Variants in CCDC40 observed in about 807,000 individuals in gnomAD.
CCDC40 encodes the protein coiled-coil domain 40 molecular ruler complex subunit.
A neutral mutation model predicts 124.5 loss-of-function variants in CCDC40; 104 were observed. The ratio of observed to expected loss-of-function variants is 0.84; its 90% CI spans 0.71 to 0.98. CCDC40 has a LOEUF of 0.98. Among genes scored for constraint, CCDC40 ranks in the 50% least tolerant of loss-of-function variants. The pLI is 0.00. For missense variants in CCDC40, 1,463 were observed against 1,503.9 expected, an observed-to-expected ratio of 0.97 and a Z score of 0.45; for synonymous variants, 580 against 602.9, an observed-to-expected ratio of 0.96 and a Z score of 0.56.
intron 9 of CCDC40, among the ~76,000 whole-genome samples, chr17:80,062,960 G>A (rs995143630): frequency 2.6e-5 from 4 of 152,108 alleles, no homozygotes; most frequent in African/African-American, 4.8e-5. Flanking sequence ...TTGTGAGACC[G>A]AGGTCGGCAG....
chr17:80,061,721 C>G (rs1321895925), intron 9 of CCDC40, among the ~76,000 whole-genome samples: 1 of 152,208 alleles, frequency 6.6e-6, no homozygotes, highest in Non-Finnish European at 1.5e-5. Context: ...AACCAAAGGA[C>G]AGGGAGTCCC....
In CCDC40 at chr17:80,086,019, C is replaced by T. The variant is rs1379661285; in HGVS notation, c.2252C>T (p.Pro751Leu). Reference sequence around the variant, plus strand: ...CCGGTCTAGGGGGAAGAAGTGGGGCCCCTGGAGCTTGAAATCAAAAGGCTG... The same window carrying T: ...CCGGTCTAGGGGGAAGAAGTGGGGCTCCTGGAGCTTGAAATCAAAAGGCTG... ...VSELGGEEVGPLELEIKRLSK... is the reference protein window; with the variant it reads ...VSELGGEEVGLLELEIKRLSK... The change falls in exon 14 of 20, where the codon CCC becomes CTC. Residue 751 changes from proline to leucine, a missense_variant. Pro to Leu is a moderately conservative substitution (Grantham distance 98). Coordinates refer to ENST00000397545, the MANE Select transcript of CCDC40 (RefSeq NM_017950.4). This position sits in a 1 kb window ranked among gnomAD's most constrained non-coding sequence, Gnocchi z 5.5. 6.8e-6 allele frequency: 11 copies of T among 1,613,764 alleles called. No individual in the cohort carries two copies. The highest frequency in any genetic ancestry group is 7.6e-6 in the Non-Finnish European group (9 of 1,179,982).
intron 10 of CCDC40, chr17:80,067,841 T>C: frequency 7.1e-7 from 1 of 1,409,030 alleles, no homozygotes; most frequent in Non-Finnish European, 9.2e-7. Context: ...ACTTCAGGAC[T>C]GTGCCAATCC....
Position 80,087,709 on chromosome 17 carries a change from G to C in CCDC40, c.2552G>C (p.Arg851Pro), listed in dbSNP as rs745599843. The change falls in exon 15 of 20, where the codon CGG becomes CCG. Residue 851 changes from arginine (R) to proline (P), a missense_variant. Physicochemically the swap from Arg to Pro is moderately radical, Grantham distance 103 (BLOSUM62 -2). Coordinates refer to ENST00000397545, the MANE Select transcript of CCDC40 (RefSeq NM_017950.4). This position sits in a 1 kb window ranked among gnomAD's most constrained non-coding sequence, Gnocchi z 4.5. ...CTCAACATGTTGATGAATAAAAACC[G>C]GTGCAGCTCGGAGGAGCTGGAGCAG... ...KKLNMLMNKN[R>P]CSSEELEQNN... 8.7e-6 allele frequency: 14 copies of C among 1,613,946 alleles called. No homozygotes were observed. In the Admixed American group the frequency reaches 1.2e-4, roughly 13 times the overall value.
chr17:80,051,049 A>G (rs1000039494), intron 7 of CCDC40, among the ~76,000 whole-genome samples: 25 of 152,236 alleles, frequency 1.6e-4, no homozygotes, highest in African/African-American at 5.8e-4. Context: ...GCTATGCAAC[A>G]TTACCGATAA....
chr17:80,055,049 A>G lies in CCDC40; in HGVS notation c.1160-3445A>G, dbSNP rs1432503462. Among the ~76,000 whole-genome samples the G allele has an allele frequency of 4.6e-5, 7 of 152,302 alleles. No homozygotes were observed. In the South Asian group the frequency reaches 1.2e-3, roughly 27 times the overall value. On this transcript the variant is annotated intron_variant, in intron 7 of 19. Transcript: ENST00000397545. ...AAAAAGGCTTCCTGGGTGGGTGCCA[A>G]ATGGGTATTTAATAAAACTCATCAT... is the stretch of plus-strand genomic sequence containing the variant.
At position 80,088,103 on chromosome 17, in the gene CCDC40, G is replaced by C. The variant is rs2143755133; in HGVS notation, c.2711+1G>C. 1 of 1,608,814 alleles carries C rather than the reference G, an allele frequency of 6.2e-7. No individual in the cohort carries two copies. The highest frequency in any genetic ancestry group is 1.1e-5 in the South Asian group (1 of 90,974). ...TCCTGAATCAACTGGTGGAAGCAGA[G>C]TGAGTCCCAGTCTCCAGCCACACGT... On this transcript the variant is annotated splice_donor_variant, in intron 16 of 19. Transcript: ENST00000397545. LOFTEE classifies it high-confidence loss of function.
At chr17:80,097,471 C>T (rs370091572) in intron 19 of CCDC40, 68 bp downstream of exon 19, 39 of 1,564,040 alleles carry the variant, frequency 2.5e-5, no homozygotes, top group African/African-American at 1.8e-4. Flanking sequence ...AGAGGTCCTG[C>T]GTCCCCTCTG....
At chr17:80,056,012 A>ATTTTTTTTTTTTTTTTT (rs1278622929) in intron 7 of CCDC40, among the ~76,000 whole-genome samples, 4 of 14,136 alleles carry the variant, frequency 2.8e-4, no homozygotes, top group African/African-American at 5.2e-4. Flanking sequence ...ATATATATAT[A>ATTTTTTTTTTTTTTTTT]TATATTTTTT....
intron 7 of CCDC40, among the ~76,000 whole-genome samples, chr17:80,052,403 C>G (rs1290740426): frequency 5.3e-5 from 8 of 152,212 alleles, no homozygotes; most frequent in Admixed American, 5.2e-4. Flanking sequence ...CCTGCTTACA[C>G]TCTAGCCGCA....
chr17:80,039,857 G>T lies in CCDC40; in HGVS notation c.139G>T (p.Val47Phe). The change falls in exon 3 of 20, where the codon GTC becomes TTC. Residue 47 changes from valine to phenylalanine, a missense_variant. Val to Phe is a conservative substitution (Grantham distance 50). Transcript: ENST00000397545. ...TGATGGCCAGAAAGGTGAAGAAGCT[G>T]TCGGTAGCACAGAGCATCCTGAGGA... is the stretch of plus-strand genomic sequence containing the variant. The part of the protein sequence containing the change: ...KDDGQKGEEA[V>F]GSTEHPEEVT... 1 of 1,614,046 alleles carries T rather than the reference G, an allele frequency of 6.2e-7. No homozygotes were observed. The highest frequency in any genetic ancestry group is 8.5e-7 in the Non-Finnish European group (1 of 1,180,018).
At chr17:80,057,692 T>C (rs947278983) in intron 7 of CCDC40, among the ~76,000 whole-genome samples, 8 of 151,762 alleles carry the variant, frequency 5.3e-5, no homozygotes, top group East Asian at 3.9e-4. Context: ...CTGGCTAACA[T>C]GGTGAAACCC....
chr17:80,043,110 C>T (rs939115055), intron 3 of CCDC40, among the ~76,000 whole-genome samples: 1 of 152,118 alleles, frequency 6.6e-6, no homozygotes, highest in African/African-American at 2.4e-5. Flanking sequence ...TCAGGGCTCT[C>T]CATGTGATTC....
In CCDC40 at chr17:80,085,895, C is replaced by T. The variant is rs555606595; in HGVS notation, c.2236-108C>T. On this transcript the variant is annotated intron_variant, in intron 13 of 19. Transcript: ENST00000397545. ...CTGTTGGCCAGGCTGGTCTTGAACT[C>T]CTGACCTCGGGTGATCCACCCGCCT... 146 of 1,010,826 alleles carry T rather than the reference C, an allele frequency of 1.4e-4. 1 individual carries two copies. In the South Asian group the frequency reaches 1.8e-3, roughly 13 times the overall value. The allele number at this position is 1,010,826 out of a possible 1,614,324, so 62.6% of individuals were successfully genotyped here. A position where few individuals can be genotyped will look rare whatever the true frequency, so the allele number is the denominator to read the frequency against.
At chr17:80,095,206 C>G in intron 17 of CCDC40, 57 bp from the exon 18 acceptor site, 1 of 1,557,484 alleles carries the variant, frequency 6.4e-7, no homozygotes, top group Non-Finnish European at 8.9e-7. Context: ...CGGCCACTCT[C>G]TCTGCAGCTG....
At chr17:80,067,206 C>A in intron 10 of CCDC40, 1 of 304,524 alleles carries the variant, frequency 3.3e-6, no homozygotes, top group Non-Finnish European at 6.1e-6. Flanking sequence ...CCCTGCATCC[C>A]AGACTAACCA....
At chr17:80,071,087 G>A (rs1325277815) in intron 10 of CCDC40, among the ~76,000 whole-genome samples, 1 of 152,218 alleles carries the variant, frequency 6.6e-6, no homozygotes, top group Non-Finnish European at 1.5e-5. Flanking sequence ...CCCACGGTCA[G>A]CCCCTTCCCA....
At chr17:80,048,115 C>A in intron 4 of CCDC40, among the ~76,000 whole-genome samples, 1 of 152,142 alleles carries the variant, frequency 6.6e-6, no homozygotes, top group Non-Finnish European at 1.5e-5. Flanking sequence ...CAAAAATTAC[C>A]GGGCGTGGTG....
chr17:80,037,821 C>T (rs967988192), intron 1 of CCDC40: 5 of 338,604 alleles, frequency 1.5e-5, no homozygotes, highest in African/African-American at 1.1e-4. Context: ...CAGTTTTGTC[C>T]CAGACACAAG....
Sources: allele counts gnomAD v4.1 joint callset (sites outside exome capture counted in the v4.1 genomes callset), GRCh38; gene constraint gnomAD v4.1.1; non-coding constraint Gnocchi (gnomAD v3.1); transcripts MANE v1.5; gene names NCBI Gene and HGNC (gene_info 2026-07-23, HGNC 2026-07-21).